TNS3: variants seen among roughly 807,000 people sequenced by gnomAD.
TNS3 encodes tensin 3.
In TNS3, 45 loss-of-function variants were observed where a neutral mutation model predicts 140.9. The observed-to-expected ratio is 0.32, with a 90% CI of 0.25 to 0.41. The LOEUF is 0.41. TNS3 is among the 10% of genes least tolerant of loss of function. The probability of loss-of-function intolerance (pLI) is 1.00; values close to 1 mark genes in which losing one functional copy is unlikely to be tolerated. For synonymous variants in TNS3, 815 were observed against 788.4 expected (o/e 1.03, Z -0.56); for missense variants, 1,716 against 1,906.7 (o/e 0.90, Z 1.86).
At chr7:47,322,433 A>C (rs556216503) in intron 20 of TNS3, among the ~76,000 whole-genome samples, 1 of 152,148 alleles carries the variant, frequency 6.6e-6, no homozygotes, top group African/African-American at 2.4e-5. Context: ...GAAGCAGGAG[A>C]ATCGCTTGAA....
At chr7:47,389,272 G>A (rs374505355) in intron 16 of TNS3, among the ~76,000 whole-genome samples, 141 of 152,254 alleles carry the variant, frequency 9.3e-4, no homozygotes, top group African/African-American at 3.2e-3. Flanking sequence ...CCGTCTGCAT[G>A]CACAGGACAC....
chr7:47,557,881 T>C (rs1470763828), intron 1 of TNS3, among the ~76,000 whole-genome samples: 1 of 152,230 alleles, frequency 6.6e-6, no homozygotes, highest in East Asian at 1.9e-4. Flanking sequence ...ATGTGTGTCA[T>C]GGAATTCTCC....
chr7:47,546,105 A>G (rs1799913289), intron 1 of TNS3, among the ~76,000 whole-genome samples: 1 of 152,200 alleles, frequency 6.6e-6, no homozygotes, highest in Non-Finnish European at 1.5e-5. Context: ...GAGGTGGTCC[A>G]GAGAGCTGCG....
chr7:47,309,535 T>C (rs1489599075), intron 20 of TNS3, among the ~76,000 whole-genome samples: 1 of 152,124 alleles, frequency 6.6e-6, no homozygotes, highest in Non-Finnish European at 1.5e-5. Context: ...CACCGATAAA[T>C]AGGATTAATA....
chr7:47,464,222 C>T (rs1053605411), intron 4 of TNS3, among the ~76,000 whole-genome samples: 1 of 152,162 alleles, frequency 6.6e-6, no homozygotes, highest in Admixed American at 6.5e-5. Context: ...ATTGATTTGG[C>T]AATGCCTTGC....
At chr7:47,393,645 C>T (rs1444682797) in intron 16 of TNS3, among the ~76,000 whole-genome samples, 1 of 152,162 alleles carries the variant, frequency 6.6e-6, no homozygotes, top group Non-Finnish European at 1.5e-5. Context: ...GAGGAGGCTG[C>T]ACTCTCACCC....
intron 1 of TNS3, among the ~76,000 whole-genome samples, chr7:47,553,704 A>C (rs1291200020): frequency 6.6e-6 from 1 of 152,222 alleles, no homozygotes; most frequent in Admixed American, 6.5e-5. Flanking sequence ...AGAGATGTAC[A>C]AAGAAATGAA....
chr7:47,546,856 G>A (rs992406626), intron 1 of TNS3, among the ~76,000 whole-genome samples: 4 of 152,152 alleles, frequency 2.6e-5, no homozygotes, highest in South Asian at 4.1e-4. Flanking sequence ...CTCAGCACCC[G>A]CCTGGTAAGA....
chr7:47,397,493 T>C (rs1166397577), intron 15 of TNS3, among the ~76,000 whole-genome samples: 1 of 152,236 alleles, frequency 6.6e-6, no homozygotes, highest in African/African-American at 2.4e-5. Flanking sequence ...CTGGTTTCTT[T>C]TGAAATATAT....
intron 1 of TNS3, among the ~76,000 whole-genome samples, chr7:47,549,515 G>T (rs1051125250): frequency 6.6e-6 from 1 of 151,968 alleles, no homozygotes; most frequent in African/African-American, 2.4e-5. Context: ...TTCTCTTCAT[G>T]AGCCCACAGA....
At chr7:47,467,608 C>A (rs1308350017) in intron 4 of TNS3, among the ~76,000 whole-genome samples, 3 of 152,082 alleles carry the variant, frequency 2.0e-5, no homozygotes, top group Non-Finnish European at 4.4e-5. Context: ...CTTGGGTCCC[C>A]AGCAACACAC....
At chr7:47,313,956 T>C (rs1413273526) in intron 20 of TNS3, among the ~76,000 whole-genome samples, 1 of 152,150 alleles carries the variant, frequency 6.6e-6, no homozygotes, top group African/African-American at 2.4e-5. Context: ...TAACCCTTTA[T>C]TTGGAGAAGG....
At chr7:47,319,313 T>C (rs1787593145) in intron 20 of TNS3, among the ~76,000 whole-genome samples, 1 of 152,116 alleles carries the variant, frequency 6.6e-6, no homozygotes, top group African/African-American at 2.4e-5. Flanking sequence ...GCCAGTGCAT[T>C]CCTGTCTACC....
At chr7:47,374,576 G>A (rs900591519) in intron 16 of TNS3, among the ~76,000 whole-genome samples, 2 of 152,182 alleles carry the variant, frequency 1.3e-5, no homozygotes, top group South Asian at 2.1e-4. Context: ...AGAGAATCAT[G>A]ACTAGAAAAG....
intron 10 of TNS3, among the ~76,000 whole-genome samples, chr7:47,421,536 G>A (rs1794370777): frequency 2.0e-5 from 3 of 151,830 alleles, no homozygotes; most frequent in African/African-American, 7.3e-5. Flanking sequence ...GCCTCCCAAA[G>A]AATCGGGATT....
intron 27 of TNS3, among the ~76,000 whole-genome samples, chr7:47,284,440 A>G (rs1305637040): frequency 6.6e-6 from 1 of 152,206 alleles, no homozygotes; most frequent in Non-Finnish European, 1.5e-5. Flanking sequence ...CCATGCTGCC[A>G]AGGGAGAGCT....
chr7:47,307,477 G>A (rs915882121), intron 20 of TNS3, among the ~76,000 whole-genome samples: 5 of 152,090 alleles, frequency 3.3e-5, no homozygotes, highest in Non-Finnish European at 5.9e-5. Flanking sequence ...GACACTTTTG[G>A]GTGAATACCT....
chr7:47,491,927 C>T (rs981737028), intron 3 of TNS3, among the ~76,000 whole-genome samples: 6 of 152,202 alleles, frequency 3.9e-5, no homozygotes, highest in East Asian at 1.9e-4. Context: ...CCTGGAAGGA[C>T]GGGTCCAGAT....
At chr7:47,354,368 C>G (rs796211142) in intron 17 of TNS3, among the ~76,000 whole-genome samples, 58 of 150,842 alleles carry the variant, frequency 3.8e-4, no homozygotes, top group African/African-American at 1.4e-3. Context: ...AGCTCCCCAA[C>G]GTACCCCTTC....
Sources: allele counts gnomAD v4.1 joint callset (sites outside exome capture counted in the v4.1 genomes callset), GRCh38; gene constraint gnomAD v4.1.1; transcripts MANE v1.5; gene names NCBI Gene and HGNC (gene_info 2026-07-23, HGNC 2026-07-21).